Variants in CENPF observed in about 807,000 individuals in gnomAD.
CENPF encodes AH antigen.
Under a neutral mutation model 307.3 loss-of-function variants are expected in CENPF, and 214 were observed. That is an observed-to-expected ratio of 0.70 (90% confidence interval 0.62 to 0.78). The LOEUF (loss-of-function observed/expected upper bound fraction) is 0.78. CENPF is among the 30% of genes least tolerant of loss of function. CENPF has a pLI of 0.00. For synonymous variants in CENPF, 1,259 were observed against 1,270.6 expected (o/e 0.99, Z 0.19); for missense variants, 3,401 against 3,483.9 (o/e 0.98, Z 0.60).
chr1:214,605,444 T>G (rs1240736770), intron 1 of CENPF: 10 of 510,158 alleles, frequency 2.0e-5, no homozygotes, highest in East Asian at 1.7e-4. Flanking sequence ...CCGCTTTGTT[T>G]TTTTTTTTTT....
chr1:214,630,742 A>G (rs1657785679), intron 9 of CENPF, 80 bp downstream of exon 9: 1 of 1,514,582 alleles, frequency 6.6e-7, no homozygotes, highest in Non-Finnish European at 8.9e-7. Flanking sequence ...CATAACTGAC[A>G]TATGATACTT....
intron 3 of CENPF, among the ~76,000 whole-genome samples, chr1:214,618,187 T>G (rs115753619): frequency 6.6e-6 from 1 of 152,112 alleles, no homozygotes; most frequent in Non-Finnish European, 1.5e-5. Flanking sequence ...TTCAATCACC[T>G]CTCACCGGGT....
rs1658721627 is a variant in CENPF at position 214,659,023 on chromosome 1, CA to C, written c.9140del (p.Lys3047ArgfsTer10). ...ACCAACAGCTGGTGGCAGCAGATCA[CA>C]AAAGGTAAACTACTGTCAACATCCG... ...SKPTAGGSRS[Q>X]KVKVAQRSPV... On this transcript the variant is annotated frameshift_variant, in exon 19 of 20. Coordinates refer to ENST00000366955, the MANE Select transcript of CENPF (RefSeq NM_016343.4). LOFTEE classifies it low-confidence loss of function (END_TRUNC). The surrounding 1 kb of genome is among the most constrained non-coding windows in gnomAD (Gnocchi z 4.4). The C allele has an allele frequency of 1.2e-6, 2 of 1,613,860 alleles. No homozygotes were observed. Among genetic ancestry groups the C allele is most frequent in the African/African-American group, 1.3e-5 (1 of 74,900 alleles).
At chr1:214,656,750 G>C (rs2102418636) in intron 17 of CENPF, among the ~76,000 whole-genome samples, 183 bp from the exon 18 acceptor site, 1 of 152,102 alleles carries the variant, frequency 6.6e-6, no homozygotes. Context: ...TATCTGCCTT[G>C]ATATGATATA....
chr1:214,647,194 T>G lies in CENPF; in HGVS notation c.7624T>G (p.Ser2542Ala). ...CCAAGAGCAGCTTGTCTCTAAACTGTCCCAGGTGGAAGGAGAGCACCAACT... is the reference window on the plus strand; with the variant it reads ...CCAAGAGCAGCTTGTCTCTAAACTGGCCCAGGTGGAAGGAGAGCACCAACT... The part of the protein sequence containing the change: ...QDQEQLVSKL[S>A]QVEGEHQLWK... Residue 2542 changes from serine (S) to alanine (A), a missense_variant, in exon 13 of 20, where the codon TCC becomes GCC. Physicochemically the swap from Ser to Ala is moderately conservative, Grantham distance 99. Transcript: ENST00000366955. 6.2e-7 allele frequency: 1 copy of G among 1,614,060 alleles called. No individual in the cohort carries two copies. The highest frequency in any genetic ancestry group is 8.5e-7 in the Non-Finnish European group (1 of 1,179,986).
chr1:214,633,620 G>C (rs1657869912), intron 10 of CENPF, among the ~76,000 whole-genome samples: 1 of 152,224 alleles, frequency 6.6e-6, no homozygotes, highest in Non-Finnish European at 1.5e-5. Context: ...CCGCTTTGCA[G>C]AGTGTATCAT....
rs543784520 is a variant in CENPF at position 214,621,326 on chromosome 1, T to G, written c.865+380T>G. On this transcript the variant is annotated intron_variant, in intron 6 of 19. Coordinates refer to ENST00000366955, the MANE Select transcript of CENPF (RefSeq NM_016343.4). ...ACCAGCTTTGGCCAGAGGTTGTGTG[T>G]GTGTCTGCAGAACAGCTTTGCTGTG... Among the ~76,000 whole-genome samples the G allele has an allele frequency of 1.3e-3, 191 of 152,300 alleles. 1 individual carries two copies. The highest frequency in any genetic ancestry group is 2.4e-3 in the Non-Finnish European group (162 of 68,016).
In CENPF at chr1:214,619,169, G is replaced by A; in HGVS notation, c.522G>A (p.Glu174=). The A allele has an allele frequency of 6.3e-7, 1 of 1,584,068 alleles. No homozygotes were observed. Among genetic ancestry groups the A allele is most frequent in the Non-Finnish European group, 8.6e-7 (1 of 1,157,172 alleles). Residue 174 remains glutamate (E), a synonymous_variant, in exon 5 of 20, where the codon GAG becomes GAA. Coordinates refer to ENST00000366955, the MANE Select transcript of CENPF (RefSeq NM_016343.4). ...YEDLKEKYNK[E]VEERKRLEAE... is the part of the protein sequence containing the mutation. ...ATCTAAAAGAAAAATATAATAAAGA[G>A]GTTGAAGAACGAAAAAGATTAGAGG...
intron 7 of CENPF, among the ~76,000 whole-genome samples, chr1:214,626,283 C>G (rs1302726555): frequency 6.6e-6 from 1 of 152,118 alleles, no homozygotes; most frequent in Non-Finnish European, 1.5e-5. Flanking sequence ...GTCCTCAGCT[C>G]CTTAGTCAGT....
chr1:214,662,854 A>T (rs1658822682), intron 19 of CENPF, among the ~76,000 whole-genome samples: 1 of 151,444 alleles, frequency 6.6e-6, no homozygotes, highest in South Asian at 2.1e-4. Flanking sequence ...ATCACGGCTC[A>T]CTGCAGCTTC....
intron 17 of CENPF, among the ~76,000 whole-genome samples, chr1:214,656,552 T>C (rs1307177248): frequency 2.0e-5 from 3 of 152,202 alleles, no homozygotes; most frequent in African/African-American, 7.2e-5. Context: ...TCATAATCTT[T>C]GCTGACTTCT....
In CENPF at chr1:214,640,469, G is replaced by C; in HGVS notation, c.2131G>C (p.Asp711His). 6.2e-7 allele frequency: 1 copy of C among 1,614,086 alleles called. No homozygotes were observed. The highest frequency in any genetic ancestry group is 8.5e-7 in the Non-Finnish European group (1 of 1,179,994). Residue 711 changes from aspartate to histidine, a missense_variant, in exon 12 of 20, where the codon GAT becomes CAT. Coordinates refer to ENST00000366955, the MANE Select transcript of CENPF (RefSeq NM_016343.4). ...MELQQKAEFS[D>H]QKHQKEIENM... ...GCTACAGCAGAAAGCTGAGTTCTCA[G>C]ATCAGAAACATCAGAAGGAAATAGA... is the stretch of plus-strand genomic sequence containing the variant.
intron 19 of CENPF, among the ~76,000 whole-genome samples, chr1:214,662,143 C>T (rs1658802365): frequency 6.6e-6 from 1 of 151,938 alleles, no homozygotes; most frequent in South Asian, 2.1e-4. Flanking sequence ...CTTTCTGTTT[C>T]CTATGGGCTA....
Position 214,641,445 on chromosome 1 carries a change from A to G in CENPF, c.3107A>G (p.Tyr1036Cys), listed in dbSNP as rs1156906026. Reference protein sequence around the residue: ...LQRCEETGNAYEDLSQKYKAA... With the variant: ...LQRCEETGNACEDLSQKYKAA... ...AGATGTGAAGAAACCGGAAATGCATATGAGGATCTTAGTCAAAAATACAAA... is the reference window on the plus strand; with the variant it reads ...AGATGTGAAGAAACCGGAAATGCATGTGAGGATCTTAGTCAAAAATACAAA... Residue 1036 changes from tyrosine to cysteine, a missense_variant, in exon 12 of 20, where the codon TAT (tyrosine) becomes TGT (cysteine). Transcript: ENST00000366955. 4.5e-6 allele frequency: 7 copies of G among 1,554,798 alleles called. No individual in the cohort carries two copies. The highest frequency in any genetic ancestry group is 2.3e-5 in the East Asian group (1 of 44,304).
intron 17 of CENPF, 107 bp downstream of exon 17, chr1:214,655,510 T>A (rs1258039442): frequency 1.1e-6 from 1 of 926,966 alleles, no homozygotes; most frequent in East Asian, 3.1e-5. Flanking sequence ...GTTCTATTAC[T>A]GAGTGCTGAT....
intron 7 of CENPF, among the ~76,000 whole-genome samples, chr1:214,628,381 G>T (rs1035195073): frequency 1.4e-5 from 2 of 146,154 alleles, no homozygotes; most frequent in South Asian, 2.2e-4. Flanking sequence ...GTGGTGCAAG[G>T]TTTTTTTTTT....
At chr1:214,604,208 G>A (rs1656963581) in intron 1 of CENPF, among the ~76,000 whole-genome samples, 1 of 152,086 alleles carries the variant, frequency 6.6e-6, no homozygotes, top group South Asian at 2.1e-4. Context: ...GAGCTTCCTT[G>A]GGGACTAAGG....
intron 18 of CENPF, among the ~76,000 whole-genome samples, 156 bp downstream of exon 18, chr1:214,657,565 A>C (rs417844): frequency 5.3e-5 from 8 of 152,040 alleles, no homozygotes; most frequent in Non-Finnish European, 1.5e-5. Flanking sequence ...TGGATGAGGC[A>C]TATGTTTTCC....
chr1:214,641,950 T>G lies in CENPF; in HGVS notation c.3612T>G (p.Asp1204Glu). ...MDLEVKEISL[D>E]SYNAQLVQLE... ...TTGAAGTTAAAGAAATTTCTCTAGA[T>G]AGTTATAATGCGCAGTTGGTGCAAT... The change falls in exon 12 of 20, where the codon GAT becomes GAG. Residue 1204 changes from aspartate to glutamate, a missense_variant. Asp to Glu is a conservative substitution (Grantham distance 45, BLOSUM62 2). Coordinates refer to ENST00000366955, the MANE Select transcript of CENPF (RefSeq NM_016343.4). The G allele has an allele frequency of 6.3e-7, 1 of 1,591,564 alleles. No individual in the cohort carries two copies.
Sources: allele counts gnomAD v4.1 joint callset (sites outside exome capture counted in the v4.1 genomes callset), GRCh38; gene constraint gnomAD v4.1.1; non-coding constraint Gnocchi (gnomAD v3.1); transcripts MANE v1.5; gene names NCBI Gene and HGNC (gene_info 2026-07-23, HGNC 2026-07-21).